The following MICU1 variants were observed in gnomAD, a reference collection of about 807,000 sequenced individuals.
MICU1 encodes the protein mitochondrial calcium uptake 1, also known as calcium uptake protein 1, mitochondrial.
In MICU1, 45 loss-of-function variants were observed where a neutral mutation model predicts 56.8. That is an observed-to-expected ratio of 0.79 (90% CI 0.62 to 1.02). MICU1 has a LOEUF of 1.02. MICU1 is among the 50% of genes least tolerant of loss of function. MICU1 has a pLI of 0.00. For synonymous variants in MICU1, 186 were observed against 195.1 expected (o/e 0.95, Z 0.39); for missense variants, 504 against 587.1 (o/e 0.86, Z 1.46).
At chr10:72,401,496 A>T (rs967295132) in intron 10 of MICU1, among the ~76,000 whole-genome samples, 1 of 152,154 alleles carries the variant, frequency 6.6e-6, no homozygotes, top group Non-Finnish European at 1.5e-5. Flanking sequence ...TCTACTAAAA[A>T]TACAAAAATT....
chr10:72,604,505 T>C (rs534226867), intron 1 of MICU1, among the ~76,000 whole-genome samples: 1 of 152,202 alleles, frequency 6.6e-6, no homozygotes, highest in Non-Finnish European at 1.5e-5. Flanking sequence ...ACTCCCGACC[T>C]CAGGCAATCC....
chr10:72,410,116 T>C (rs1863760202), intron 9 of MICU1, among the ~76,000 whole-genome samples: 1 of 152,246 alleles, frequency 6.6e-6, no homozygotes, highest in Non-Finnish European at 1.5e-5. Flanking sequence ...AATGGAATTA[T>C]GCAGTAGGCA....
chr10:72,564,943 T>G (rs1334956341), intron 2 of MICU1, among the ~76,000 whole-genome samples: 1 of 152,026 alleles, frequency 6.6e-6, no homozygotes, highest in Non-Finnish European at 1.5e-5. Context: ...ACCCAAGGCA[T>G]TTAGTAACAT....
At chr10:72,425,731 G>A (rs1385142216) in intron 8 of MICU1, among the ~76,000 whole-genome samples, 1 of 152,062 alleles carries the variant, frequency 6.6e-6, no homozygotes, top group Non-Finnish European at 1.5e-5. Context: ...CCTTATTTCT[G>A]AGGTCTTAAA....
At chr10:72,579,464 T>C (rs1188362745) in intron 1 of MICU1, among the ~76,000 whole-genome samples, 1 of 152,226 alleles carries the variant, frequency 6.6e-6, no homozygotes, top group East Asian at 1.9e-4. Flanking sequence ...CTCCTGTTCC[T>C]GTATTAGATA....
chr10:72,410,576 G>A lies in MICU1; in HGVS notation c.1072-2539C>T, dbSNP rs568819206. On this transcript the variant is annotated intron_variant, in intron 9 of 11. Transcript: ENST00000361114. ...AGAGGTTGCAGTGAGCTGAGATCAC[G>A]CCACTGCACTCCAGTCTGGGCAACA... Among the ~76,000 whole-genome samples the A allele has an allele frequency of 2.0e-5, 3 of 152,242 alleles. No individual in the cohort carries two copies. In the South Asian group the frequency reaches 6.2e-4, roughly 32 times the overall value.
chr10:72,512,734 C>G (rs1457237317), intron 5 of MICU1, among the ~76,000 whole-genome samples: 2 of 129,886 alleles, frequency 1.5e-5, no homozygotes, highest in Admixed American at 7.7e-5. Flanking sequence ...GTGTCTCACT[C>G]TGACACCCAG....
chr10:72,377,048 T>G (rs1434426985), intron 10 of MICU1, among the ~76,000 whole-genome samples: 1 of 152,098 alleles, frequency 6.6e-6, no homozygotes, highest in Non-Finnish European at 1.5e-5. Context: ...CCTACTGGTT[T>G]TGCACCAGAC....
intron 5 of MICU1, among the ~76,000 whole-genome samples, chr10:72,511,008 T>G (rs558806861): frequency 1.9e-4 from 29 of 152,218 alleles, no homozygotes; most frequent in Admixed American, 8.5e-4. Flanking sequence ...TGATCAAGGA[T>G]GTAATCCACA....
At chr10:72,416,427 A>G (rs983434585) in intron 9 of MICU1, among the ~76,000 whole-genome samples, 2 of 152,182 alleles carry the variant, frequency 1.3e-5, no homozygotes, top group Admixed American at 6.5e-5. Context: ...TTCAAGGGGT[A>G]TGCTAGCAAT....
chr10:72,373,021 A>G, intron 11 of MICU1, among the ~76,000 whole-genome samples: 1 of 152,086 alleles, frequency 6.6e-6, no homozygotes, highest in East Asian at 1.9e-4. Flanking sequence ...TAAGGACCAC[A>G]TGACCACTAT....
chr10:72,466,155 C>T (rs1300388287), intron 8 of MICU1, among the ~76,000 whole-genome samples: 2 of 152,148 alleles, frequency 1.3e-5, no homozygotes, highest in African/African-American at 4.8e-5. Flanking sequence ...CACAAGCACT[C>T]CAACACTGCA....
chr10:72,471,986 A>C (rs1451477239), intron 8 of MICU1, among the ~76,000 whole-genome samples: 1 of 152,150 alleles, frequency 6.6e-6, no homozygotes, highest in African/African-American at 2.4e-5. Flanking sequence ...ACATATAAAA[A>C]TACCCAATAT....
chr10:72,531,195 C>CA (rs1256301167), intron 5 of MICU1, among the ~76,000 whole-genome samples: 1 of 151,704 alleles, frequency 6.6e-6, no homozygotes, highest in Non-Finnish European at 1.5e-5. Context: ...TTAAAAAAAA[C>CA]AGAGGGAGAG....
chr10:72,513,911 TACC>T (rs1392663808), intron 5 of MICU1, among the ~76,000 whole-genome samples: 1 of 152,202 alleles, frequency 6.6e-6, no homozygotes, highest in Admixed American at 6.5e-5. Context: ...TTTATGCCAG[TACC>T]ACATCATTTA....
intron 11 of MICU1, 73 bp downstream of exon 11, chr10:72,375,710 G>A: frequency 4.3e-6 from 6 of 1,383,922 alleles, no homozygotes; most frequent in Non-Finnish European, 6.0e-6. Flanking sequence ...TGTCCGCAAG[G>A]CTCCATTATA....
At chr10:72,534,361 G>A (rs551060307) in intron 4 of MICU1, among the ~76,000 whole-genome samples, 4 of 152,118 alleles carry the variant, frequency 2.6e-5, no homozygotes, top group Non-Finnish European at 4.4e-5. Context: ...GTGGCATTGA[G>A]GGCAGGGATA....
intron 4 of MICU1, among the ~76,000 whole-genome samples, chr10:72,546,883 G>A (rs1839906703): frequency 6.6e-6 from 1 of 150,536 alleles, no homozygotes; most frequent in Non-Finnish European, 1.5e-5. Flanking sequence ...AAGCCACCAC[G>A]CTCGTCTAAT....
chr10:72,446,729 A>G (rs1349726901), intron 8 of MICU1, among the ~76,000 whole-genome samples: 1 of 152,198 alleles, frequency 6.6e-6, no homozygotes, highest in Admixed American at 6.5e-5. Context: ...AGTGATTAAT[A>G]AAATAATAGT....
Sources: allele counts gnomAD v4.1 joint callset (sites outside exome capture counted in the v4.1 genomes callset), GRCh38; gene constraint gnomAD v4.1.1; transcripts MANE v1.5; gene names NCBI Gene and HGNC (gene_info 2026-07-23, HGNC 2026-07-21).